The following TPR variants were observed in gnomAD, a reference collection of about 807,000 sequenced individuals.
TPR encodes nucleoprotein TPR.
A neutral mutation model predicts 316.1 loss-of-function variants in TPR; 51 were observed. The ratio of observed to expected loss-of-function variants is 0.16; its 90% confidence interval spans 0.13 to 0.20. TPR has a LOEUF of 0.20. Ranked by LOEUF, TPR falls within the 10% of genes least tolerant of loss-of-function variation. The probability of loss-of-function intolerance (pLI) is 1.00; values close to 1 mark genes in which losing one functional copy is unlikely to be tolerated. For synonymous variants in TPR, 981 were observed against 914.7 expected (o/e 1.07, Z -1.31); for missense variants, 2,272 against 2,754.8 (o/e 0.82, Z 3.92).
At chr1:186,356,797 C>T (rs1318550924) in intron 14 of TPR, among the ~76,000 whole-genome samples, 4 of 152,160 alleles carry the variant, frequency 2.6e-5, no homozygotes, top group Admixed American at 6.5e-5. Context: ...TACATAGGTT[C>T]TCCAGGTTCT....
chr1:186,357,349 G>A lies in TPR; in HGVS notation c.1724+48C>T, dbSNP rs1200688587. 7 of 1,583,152 alleles carry A rather than the reference G, an allele frequency of 4.4e-6. No homozygotes were observed. The African/African-American group carries it at 6.8e-5, about 15-fold the overall frequency. ...GGCATGAGACACTGAGCCTAGCTGA[G>A]GTTTTCATAAATGTTTGCTCAACAA... On this transcript the variant is annotated intron_variant, in intron 14 of 50. Transcript: ENST00000367478.
rs1658017554 is a variant in TPR, at chr1:186,327,268, A to ATT, written c.5889+191_5889+192insAA. Among the ~76,000 whole-genome samples, 2 of 6,564 alleles carry ATT rather than the reference A, an allele frequency of 3.0e-4. 1 individual carries two copies. Among genetic ancestry groups the ATT allele is most frequent in the South Asian group, 0.012 (2 of 170 alleles). 4.3% of individuals were successfully genotyped at this position (6,564 alleles called of 152,430 possible). ...TATAATATATATAAATATATAATAT[A>ATT]TATATTTATATATAATATATATAAA... On this transcript the variant is annotated intron_variant, in intron 40 of 50. Transcript: ENST00000367478.
intron 27 of TPR, chr1:186,342,466 TCC>T (rs1247884138): frequency 6.6e-6 from 1 of 152,206 alleles, no homozygotes; most frequent in African/African-American, 2.4e-5. Flanking sequence ...TCTGATTCTG[TCC>T]CTTTTCCTCC....
Position 186,336,373 on chromosome 1 carries a change from C to T in TPR, c.4705+123G>A. On this transcript the variant is annotated intron_variant, in intron 33 of 50. Transcript: ENST00000367478. The stretch of plus-strand genomic sequence containing the variant: ...AACTAATTATTCCTAATATTTAAAG[C>T]ACACATACACACACAAACACCCTTC... 17 of 829,534 alleles carry T rather than the reference C, an allele frequency of 2.0e-5. No individual in the cohort carries two copies. The South Asian group carries it at 2.5e-4, about 12-fold the overall frequency. The allele number at this position is 829,534 out of a possible 1,614,324, so 51.4% of individuals were successfully genotyped here.
chr1:186,370,921 C>A, intron 3 of TPR, 49 bp downstream of exon 3: 1 of 1,487,610 alleles, frequency 6.7e-7, no homozygotes, highest in South Asian at 1.1e-5. Flanking sequence ...TAGAATGTCC[C>A]TTCAAGTAAA....
chr1:186,322,081 T>A (rs1183077345), intron 45 of TPR, among the ~76,000 whole-genome samples: 2 of 152,228 alleles, frequency 1.3e-5, no homozygotes, highest in Non-Finnish European at 2.9e-5. Context: ...GCCATGTTCT[T>A]AAACATTCTT....
chr1:186,360,739 C>T (rs1659160943), intron 10 of TPR, 26 bp downstream of exon 10: 1 of 1,611,030 alleles, frequency 6.2e-7, no homozygotes, highest in Admixed American at 1.7e-5. Context: ...TATTTCAACT[C>T]ACTAACAAGC....
intron 47 of TPR, 37 bp downstream of exon 47, chr1:186,318,696 A>T (rs765665033): frequency 1.9e-5 from 30 of 1,610,832 alleles, no homozygotes; most frequent in Non-Finnish European, 2.5e-6. Context: ...TCATTTTACC[A>T]ATAAAACAGA....
chr1:186,327,163 A>ATATATATATAAATATATATAAATATAT (rs1443385559), intron 40 of TPR, among the ~76,000 whole-genome samples: 9 of 510 alleles, frequency 0.018, no homozygotes, highest in South Asian at 0.05. Flanking sequence ...ATAAATATAT[A>ATATATATATAAATATATATAAATATAT]ACATATATAT....
intron 50 of TPR, 84 bp from the exon 51 acceptor site, chr1:186,314,110 A>T (rs1292809337): frequency 7.7e-7 from 1 of 1,291,788 alleles, no homozygotes; most frequent in Non-Finnish European, 1.1e-6. Context: ...TCATTATAAA[A>T]AATATCTAGG....
intron 35 of TPR, among the ~76,000 whole-genome samples, 193 bp from the exon 36 acceptor site, chr1:186,334,726 G>A (rs1244231670): frequency 6.6e-6 from 1 of 152,106 alleles, no homozygotes; most frequent in Non-Finnish European, 1.5e-5. Flanking sequence ...AATGTAAAAT[G>A]TATCTAGCTG....
chr1:186,346,415 T>A, intron 22 of TPR, 128 bp from the exon 23 acceptor site: 2 of 985,822 alleles, frequency 2.0e-6, no homozygotes, highest in East Asian at 5.4e-5. Context: ...AAAAAAAGAA[T>A]CCATCAAAGG....
At position 186,317,526 on chromosome 1, in the gene TPR, T is replaced by A. The variant is rs1321107654; in HGVS notation, c.6896A>T (p.Asp2299Val). ...EEPVQASDES[D>V]LPSTSQDPPS... is the part of the protein sequence containing the mutation. ...AGGATCCTGGCTGGTGGAGGGGAGA[T>A]CTGACTCATCAGATGCTTGAACCGG... The change falls in exon 49 of 51, where the codon GAT (aspartate) becomes GTT (valine). Residue 2299 changes from aspartate (D) to valine (V), a missense_variant. By Grantham distance (152) the Asp-to-Val change is radical (BLOSUM62 -3). Transcript: ENST00000367478. 1 of 1,613,990 alleles carries A rather than the reference T, an allele frequency of 6.2e-7. No individual in the cohort carries two copies.
Position 186,332,283 on chromosome 1 carries a change from G to C in TPR, c.5516C>G (p.Thr1839Ser), listed in dbSNP as rs1444142520. The change falls in exon 38 of 51, where the codon ACC (threonine) becomes AGC (serine). Residue 1839 changes from threonine (T) to serine (S), a missense_variant. Thr to Ser is a moderately conservative substitution (Grantham distance 58). Around this residue, in one of 10 missense-constraint regions of TPR, gnomAD observed 435 missense variants for 461.1 expected, o/e 0.94. Coordinates refer to ENST00000367478, the MANE Select transcript of TPR (RefSeq NM_003292.3). ...KRTREEEEDS[T>S]IEASDQVSDD... ...AGAGACTTGGTCTGATGCTTCTATGGTGCTATCCTCTTCCTCTTCACGTGT... is the reference window on the plus strand; with the variant it reads ...AGAGACTTGGTCTGATGCTTCTATGCTGCTATCCTCTTCCTCTTCACGTGT... 2 of 1,612,824 alleles carry C rather than the reference G, an allele frequency of 1.2e-6. No homozygotes were observed. The highest frequency in any genetic ancestry group is 1.7e-6 in the Non-Finnish European group (2 of 1,179,358).
In TPR at chr1:186,312,822, G is replaced by A. The variant is rs140393971; in HGVS notation, c.*1149C>T. On this transcript the variant is annotated 3_prime_UTR_variant, in exon 51 of 51. Transcript: ENST00000367478. ...TATACTGTGGAGAGGACTTCCAAAT[G>A]TGGTTACCTCAGCTATATCACTGCC... 3.1e-6 allele frequency: 5 copies of A among 1,611,570 alleles called. No individual in the cohort carries two copies. In the African/African-American group the frequency reaches 4.0e-5, roughly 13 times the overall value.
chr1:186,360,442 G>A, intron 10 of TPR, 78 bp from the exon 11 acceptor site: 1 of 1,422,442 alleles, frequency 7.0e-7, no homozygotes, highest in South Asian at 1.2e-5. Flanking sequence ...CAAGGTAAGT[G>A]ACATGTACTG....
intron 2 of TPR, among the ~76,000 whole-genome samples, chr1:186,372,673 C>T (rs1659571368): frequency 6.6e-6 from 1 of 152,176 alleles, no homozygotes; most frequent in South Asian, 2.1e-4. Flanking sequence ...CGTCTGATCT[C>T]GGAAGCTAAG....
At chr1:186,367,288 G>C (rs1441827494) in intron 4 of TPR, among the ~76,000 whole-genome samples, 1 of 151,760 alleles carries the variant, frequency 6.6e-6, no homozygotes, top group Non-Finnish European at 1.5e-5. Flanking sequence ...GCTGCTCTTG[G>C]ACTCCTGACC....
At chr1:186,314,095 C>T in intron 50 of TPR, 69 bp from the exon 51 acceptor site, 4 of 1,420,252 alleles carry the variant, frequency 2.8e-6, no homozygotes, top group Non-Finnish European at 3.9e-6. Context: ...TTCACTTACC[C>T]TAGTTCATTA....
Sources: gnomAD v4.1 joint callset for allele counts (sites outside exome capture counted in the v4.1 genomes callset) on GRCh38, gnomAD v4.1.1 for gene constraint, gnomAD v4.1.1 regional missense constraint, MANE v1.5 for transcripts, NCBI Gene and HGNC (gene_info 2026-07-23, HGNC 2026-07-21) for gene names.